SCN11A: variants seen among roughly 807,000 people sequenced by gnomAD.
SCN11A encodes the protein sodium channel protein type 11 subunit alpha.
Under a neutral mutation model 162.2 loss-of-function variants are expected in SCN11A, and 122 were observed. The ratio of observed to expected loss-of-function variants is 0.75; its 90% CI spans 0.65 to 0.87. The LOEUF is 0.87. Among genes scored for constraint, SCN11A ranks in the 40% least tolerant of loss-of-function variants. The probability of loss-of-function intolerance (pLI) is 0.00; values close to 1 mark genes in which losing one functional copy is unlikely to be tolerated. For missense variants in SCN11A, 2,015 were observed against 2,181.6 expected (o/e 0.92, Z 1.52); for synonymous variants, 758 against 751.5 (o/e 1.01, Z -0.14).
At chr3:38,899,754 A>G (rs1267695173) in intron 17 of SCN11A, 140 bp downstream of exon 17, 6 of 646,918 alleles carry the variant, frequency 9.3e-6, no homozygotes, top group African/African-American at 3.7e-5. Context: ...AGACCTGTGC[A>G]GGAAGAGGAG....
At chr3:38,868,325 T>G (rs2065073654) in intron 26 of SCN11A, among the ~76,000 whole-genome samples, 1 of 152,258 alleles carries the variant, frequency 6.6e-6, no homozygotes, top group African/African-American at 2.4e-5. Flanking sequence ...TCTTTTGCTA[T>G]GAAGACTACC....
At chr3:38,878,204 C>T (rs1244880591) in intron 23 of SCN11A, among the ~76,000 whole-genome samples, 1 of 150,494 alleles carries the variant, frequency 6.6e-6, no homozygotes, top group African/African-American at 2.5e-5. Flanking sequence ...ACCCACCCAT[C>T]TCAGCCTGGT....
Position 38,965,829 on chromosome 3 carries a change from C to T in SCN11A, c.-279-5406G>A, listed in dbSNP as rs547396595. ...GGAGTATGCATTTTTAAAAGGAAGC[C>T]GAGGCCTGGGTATGGTGGTGCACAC... is the stretch of plus-strand genomic sequence containing the variant. On this transcript the variant is annotated intron_variant, in intron 2 of 29. Coordinates refer to ENST00000302328, the MANE Select transcript of SCN11A (RefSeq NM_001349253.2). Among the ~76,000 whole-genome samples, 4 of 151,824 alleles carry T rather than the reference C, an allele frequency of 2.6e-5. No individual in the cohort carries two copies. The East Asian group carries it at 5.8e-4, about 22-fold the overall frequency.
intron 23 of SCN11A, among the ~76,000 whole-genome samples, chr3:38,875,526 T>C (rs555560979): frequency 6.6e-4 from 100 of 152,174 alleles, no homozygotes; most frequent in Non-Finnish European, 1.2e-3. Context: ...ACAAAATCAA[T>C]GTACACAAAT....
intron 2 of SCN11A, among the ~76,000 whole-genome samples, chr3:39,005,781 T>A (rs1236126116): frequency 6.6e-6 from 1 of 152,232 alleles, no homozygotes; most frequent in Non-Finnish European, 1.5e-5. Context: ...AAACCCTCAA[T>A]CAGTATTTAA....
intron 2 of SCN11A, among the ~76,000 whole-genome samples, chr3:38,985,480 G>T (rs2030205919): frequency 6.6e-6 from 1 of 150,860 alleles, no homozygotes; most frequent in South Asian, 2.1e-4. Flanking sequence ...AAAATGAAAA[G>T]ATCAGTGGGG....
rs1412521239 is a variant in SCN11A at position 39,051,934 on chromosome 3, C to G, written c.-477G>C. ...CACAACAGCCTGTTTACCTTCAGCC[C>G]CGCCACTAACCCTTGGCCAAAGGGA... On this transcript the variant is annotated 5_prime_UTR_variant, in exon 1 of 30. Coordinates refer to ENST00000302328, the MANE Select transcript of SCN11A (RefSeq NM_001349253.2). The G allele has an allele frequency of 6.6e-7, 1 of 1,525,896 alleles. No individual in the cohort carries two copies. The highest frequency in any genetic ancestry group is 1.4e-5 in the African/African-American group (1 of 72,930). The allele number at this position is 1,525,896 out of a possible 1,614,324, so 94.5% of individuals were successfully genotyped here. A position where few individuals can be genotyped will look rare whatever the true frequency, so the allele number is the denominator to read the frequency against.
At chr3:38,910,942 G>A (rs2065878719) in intron 11 of SCN11A, among the ~76,000 whole-genome samples, 1 of 152,086 alleles carries the variant, frequency 6.6e-6, no homozygotes, top group Non-Finnish European at 1.5e-5. Context: ...TTTAATCAAA[G>A]TAATACATGC....
chr3:39,046,011 A>G (rs1444102687), intron 1 of SCN11A, among the ~76,000 whole-genome samples: 3 of 152,158 alleles, frequency 2.0e-5, no homozygotes, highest in East Asian at 1.9e-4. Context: ...TGTAATCCCA[A>G]CACTTTGGGG....
At chr3:38,940,564 G>A (rs973752257) in intron 7 of SCN11A, among the ~76,000 whole-genome samples, 5 of 152,134 alleles carry the variant, frequency 3.3e-5, no homozygotes, top group Non-Finnish European at 5.9e-5. Context: ...GATAAGAGGT[G>A]GACTATTTAA....
intron 2 of SCN11A, among the ~76,000 whole-genome samples, chr3:38,988,378 C>CAG (rs1395349183): frequency 6.6e-6 from 1 of 152,172 alleles, no homozygotes; most frequent in Non-Finnish European, 1.5e-5. Flanking sequence ...CTGGCCAGTA[C>CAG]AGACCCTGTG....
At chr3:38,982,953 G>A (rs1052553880) in intron 2 of SCN11A, among the ~76,000 whole-genome samples, 1 of 152,186 alleles carries the variant, frequency 6.6e-6, no homozygotes, top group Non-Finnish European at 1.5e-5. Context: ...CAACTTATGT[G>A]AGTTATCTCA....
chr3:38,919,161 A>G (rs913379494), intron 11 of SCN11A, among the ~76,000 whole-genome samples: 19 of 152,204 alleles, frequency 1.2e-4, no homozygotes, highest in Non-Finnish European at 1.5e-5. Context: ...TTATCAATCT[A>G]AATATCATTA....
At chr3:38,847,778 AG>A (rs1403063747) in intron 29 of SCN11A, 36 bp from the exon 30 acceptor site, 1 of 1,369,700 alleles carries the variant, frequency 7.3e-7, no homozygotes, top group Non-Finnish European at 1.0e-6. Context: ...AGTTTCCAGA[AG>A]GCACACTGGT....
At chr3:39,009,112 A>G (rs903749262) in intron 2 of SCN11A, among the ~76,000 whole-genome samples, 1 of 152,158 alleles carries the variant, frequency 6.6e-6, no homozygotes, top group African/African-American at 2.4e-5. Flanking sequence ...TGAATGAAAA[A>G]GCAGATATGA....
intron 22 of SCN11A, 98 bp downstream of exon 22, chr3:38,883,135 G>C: frequency 9.5e-7 from 1 of 1,054,880 alleles, no homozygotes; most frequent in Non-Finnish European, 1.4e-6. Flanking sequence ...ACTTCTGTCT[G>C]GTCTCCCATA....
chr3:38,984,270 C>T (rs2030156224), intron 2 of SCN11A, among the ~76,000 whole-genome samples: 1 of 152,216 alleles, frequency 6.6e-6, no homozygotes, highest in South Asian at 2.1e-4. Context: ...ATGTTCAGAG[C>T]TGCTAGTATC....
At chr3:38,968,153 C>T (rs1378189145) in intron 2 of SCN11A, among the ~76,000 whole-genome samples, 1 of 152,202 alleles carries the variant, frequency 6.6e-6, no homozygotes, top group Non-Finnish European at 1.5e-5. Context: ...GCAGTTGTTG[C>T]TAGTCTACAG....
chr3:38,858,030 C>A (rs925780643), intron 28 of SCN11A, among the ~76,000 whole-genome samples: 2 of 151,804 alleles, frequency 1.3e-5, no homozygotes, highest in African/African-American at 4.8e-5. Context: ...TGAAATACAC[C>A]AAAACAAAAC....
Sources: gnomAD v4.1 joint callset for allele counts (sites outside exome capture counted in the v4.1 genomes callset) on GRCh38, gnomAD v4.1.1 for gene constraint, MANE v1.5 for transcripts, NCBI Gene and HGNC (gene_info 2026-07-23, HGNC 2026-07-21) for gene names.